SHISAL1: variants seen among roughly 807,000 people sequenced by gnomAD.
SHISAL1 encodes the protein protein shisa-like-1.
Under a neutral mutation model 22.6 loss-of-function variants are expected in SHISAL1, and 9 were observed. That is an observed-to-expected ratio of 0.40 (90% confidence interval 0.24 to 0.70). The LOEUF (loss-of-function observed/expected upper bound fraction) is 0.70. SHISAL1 is among the 30% of genes least tolerant of loss of function. The pLI is 0.39. For synonymous variants in SHISAL1, 119 were observed against 115.4 expected (o/e 1.03, Z -0.20); for missense variants, 246 against 270.6 (o/e 0.91, Z 0.64).
intron 4 of SHISAL1, among the ~76,000 whole-genome samples, chr22:44,263,078 TC>T (rs1249315013): frequency 4.3e-5 from 3 of 69,286 alleles, no homozygotes; most frequent in East Asian, 4.2e-4. Flanking sequence ...TTTCTTTCTT[TC>T]TTTTTTTTTT....
At chr22:44,328,949 C>A in the SHISAL1 span, among the ~76,000 whole-genome samples, 1 of 152,190 alleles carries the variant, frequency 6.6e-6, no homozygotes, top group Non-Finnish European at 1.5e-5. Flanking sequence ...CACAGAGGGT[C>A]CCTGCCCAGA....
upstream of SHISAL1, among the ~76,000 whole-genome samples, chr22:44,313,985 C>T (rs991780767): frequency 1.3e-5 from 2 of 152,156 alleles, no homozygotes; most frequent in South Asian, 2.1e-4. Flanking sequence ...GGGCTATGGG[C>T]GCCCAGAGTG....
chr22:44,302,339 CAAAAAAAAAA>C (rs35335428), intron 1 of SHISAL1, among the ~76,000 whole-genome samples: 1 of 98,018 alleles, frequency 1.0e-5, no homozygotes, highest in African/African-American at 4.2e-5. Flanking sequence ...GACTCCGTCT[CAAAAAAAAAA>C]AAAAAAAAAA....
At chr22:44,293,437 G>C (rs1173077589) in intron 3 of SHISAL1, among the ~76,000 whole-genome samples, 3 of 152,192 alleles carry the variant, frequency 2.0e-5, no homozygotes, top group Non-Finnish European at 4.4e-5. Flanking sequence ...GGTGCACCGG[G>C]TCAGTGGAGG....
chr22:44,255,687 A>T (rs578172804), intron 4 of SHISAL1, among the ~76,000 whole-genome samples: 29 of 152,286 alleles, frequency 1.9e-4, no homozygotes, highest in Admixed American at 1.6e-3. Flanking sequence ...GCCCTGAGAA[A>T]ACCTAAGTCC....
chr22:44,314,764 C>A (rs1485346045), upstream of SHISAL1, among the ~76,000 whole-genome samples: 1 of 152,028 alleles, frequency 6.6e-6, no homozygotes, highest in Non-Finnish European at 1.5e-5. Context: ...TATGGAAAAA[C>A]CTGGAGACAG....
At chr22:44,284,798 G>A (rs10439932) in intron 4 of SHISAL1, among the ~76,000 whole-genome samples, 7,736 of 152,178 alleles carry the variant, frequency 0.051, 261 homozygotes, top group Non-Finnish European at 0.07. Context: ...GGAACTGGGC[G>A]GAAATGGGAA....
At chr22:44,312,158 C>A (rs146624818) in intron 1 of SHISAL1, among the ~76,000 whole-genome samples, 6 of 152,332 alleles carry the variant, frequency 3.9e-5, no homozygotes, top group Non-Finnish European at 8.8e-5. Flanking sequence ...GACAACAAAC[C>A]TGCCTTGAAG....
At chr22:44,301,444 C>A (rs896126999) in intron 1 of SHISAL1, among the ~76,000 whole-genome samples, 2 of 152,204 alleles carry the variant, frequency 1.3e-5, no homozygotes, top group African/African-American at 4.8e-5. Context: ...ACAAGGCACA[C>A]AGCAGTGCAT....
intron 1 of SHISAL1, among the ~76,000 whole-genome samples, chr22:44,306,081 A>G (rs2055469657): frequency 6.6e-6 from 1 of 152,224 alleles, no homozygotes; most frequent in Non-Finnish European, 1.5e-5. Context: ...TAGGTCAGAA[A>G]GCTACTTTGG....
intron 3 of SHISAL1, among the ~76,000 whole-genome samples, chr22:44,288,851 A>T (rs951379433): frequency 1.3e-5 from 2 of 152,192 alleles, no homozygotes; most frequent in African/African-American, 4.8e-5. Flanking sequence ...TCTCAAAGCC[A>T]CTGGATTTCC....
At chr22:44,279,984 G>A (rs1336230959) in intron 4 of SHISAL1, among the ~76,000 whole-genome samples, 1 of 152,182 alleles carries the variant, frequency 6.6e-6, no homozygotes, top group Non-Finnish European at 1.5e-5. Context: ...AGCCAAGTTG[G>A]GAATTTTTCC....
chr22:44,297,850 C>G (rs2147299945), intron 2 of SHISAL1, among the ~76,000 whole-genome samples: 1 of 152,330 alleles, frequency 6.6e-6, no homozygotes. Context: ...TTCCTTTAAC[C>G]ACAAAGGCAG....
chr22:44,310,362 G>T lies in SHISAL1; in HGVS notation c.-33+2389C>A, dbSNP rs1019989049. On this transcript the variant is annotated intron_variant, in intron 1 of 4. Transcript: ENST00000381176. This position sits in a 1 kb window ranked among gnomAD's most constrained non-coding sequence, Gnocchi z 4.0. ...ACTAAGTGATTGCCCAGAGCTGGAG[G>T]GTGGAAGGTTTGCAATCTGAACCCA... 1.3e-5 allele frequency among the ~76,000 whole-genome samples: 2 copies of T among 152,240 alleles called. No individual in the cohort carries two copies. The highest frequency in any genetic ancestry group is 4.8e-5 in the African/African-American group (2 of 41,458).
At chr22:44,305,370 C>A (rs2055463031) in intron 1 of SHISAL1, among the ~76,000 whole-genome samples, 2 of 152,210 alleles carry the variant, frequency 1.3e-5, no homozygotes, top group Admixed American at 1.3e-4. Flanking sequence ...CCCAGGACCT[C>A]TTCTACTAGG....
chr22:44,282,060 C>G (rs1015772047), intron 4 of SHISAL1, among the ~76,000 whole-genome samples: 3 of 152,242 alleles, frequency 2.0e-5, no homozygotes, highest in African/African-American at 7.2e-5. Context: ...GGCTGAGCCA[C>G]TGCCGCCAGG....
chr22:44,323,752 C>G, the SHISAL1 span, among the ~76,000 whole-genome samples: 1 of 152,248 alleles, frequency 6.6e-6, no homozygotes. Flanking sequence ...TTGATACTAT[C>G]AAGCTAAACT....
chr22:44,312,075 C>T (rs1275834952), intron 1 of SHISAL1, among the ~76,000 whole-genome samples: 1 of 152,182 alleles, frequency 6.6e-6, no homozygotes, highest in Non-Finnish European at 1.5e-5. Context: ...CTCCCTGGTC[C>T]CCAGAACCCC....
intron 4 of SHISAL1, among the ~76,000 whole-genome samples, chr22:44,263,079 C>CCT (rs1331707901): frequency 3.4e-5 from 3 of 88,252 alleles, no homozygotes; most frequent in African/African-American, 8.2e-5. Flanking sequence ...TTCTTTCTTT[C>CCT]TTTTTTTTTT....
Sources: allele counts gnomAD v4.1 joint callset (sites outside exome capture counted in the v4.1 genomes callset), GRCh38; gene constraint gnomAD v4.1.1; non-coding constraint Gnocchi (gnomAD v3.1); transcripts MANE v1.5; gene names NCBI Gene and HGNC (gene_info 2026-07-23, HGNC 2026-07-21).